Variants in PLXDC2 observed in about 807,000 individuals in gnomAD.
PLXDC2 encodes the protein plexin domain containing 2.
Under a neutral mutation model 68.9 loss-of-function variants are expected in PLXDC2, and 40 were observed. That is an observed-to-expected ratio of 0.58 (90% CI 0.45 to 0.76). The LOEUF is 0.76. Ranked by LOEUF, PLXDC2 falls within the 30% of genes least tolerant of loss-of-function variation. The pLI, the probability that PLXDC2 is intolerant of heterozygous loss-of-function variation, is 0.00. For synonymous variants in PLXDC2, 243 were observed against 234.2 expected, an observed-to-expected ratio of 1.04 and a Z score of -0.34; for missense variants, 644 against 661.9, an observed-to-expected ratio of 0.97 and a Z score of 0.30.
At chr10:20,160,934 A>G (rs1402913682) in intron 6 of PLXDC2, among the ~76,000 whole-genome samples, 1 of 152,122 alleles carries the variant, frequency 6.6e-6, no homozygotes, top group African/African-American at 2.4e-5. Context: ...GGCTGCAGTG[A>G]GCTATGATCA....
At chr10:20,190,637 A>G (rs1834752932) in intron 9 of PLXDC2, among the ~76,000 whole-genome samples, 1 of 151,486 alleles carries the variant, frequency 6.6e-6, no homozygotes, top group Admixed American at 6.6e-5. Flanking sequence ...TATTGAGTAT[A>G]AAAGGAACAT....
At chr10:20,246,625 C>G (rs1835599492) in intron 13 of PLXDC2, among the ~76,000 whole-genome samples, 1 of 152,258 alleles carries the variant, frequency 6.6e-6, no homozygotes, top group African/African-American at 2.4e-5. Context: ...GCCGGGATTA[C>G]AGGTGTGAGC....
intron 1 of PLXDC2, among the ~76,000 whole-genome samples, chr10:19,837,065 A>G (rs1323474723): frequency 6.6e-6 from 1 of 151,898 alleles, no homozygotes; most frequent in Non-Finnish European, 1.5e-5. Flanking sequence ...AAGAGACATT[A>G]TTTATTTTCT....
intron 1 of PLXDC2, among the ~76,000 whole-genome samples, chr10:19,941,803 G>A (rs1833822403): frequency 6.6e-6 from 1 of 151,940 alleles, no homozygotes; most frequent in Non-Finnish European, 1.5e-5. Context: ...TTTTGACTCT[G>A]CTAACGTGTT....
intron 1 of PLXDC2, among the ~76,000 whole-genome samples, chr10:19,896,009 A>G (rs545016086): frequency 7.5e-4 from 114 of 152,304 alleles, no homozygotes; most frequent in African/African-American, 1.4e-3. Flanking sequence ...GGAGCAGGTC[A>G]AGGTCGGGGG....
At chr10:20,137,838 C>T (rs1294740375) in intron 4 of PLXDC2, among the ~76,000 whole-genome samples, 2 of 152,094 alleles carry the variant, frequency 1.3e-5, no homozygotes, top group African/African-American at 4.8e-5. Context: ...CGGTTTCCTC[C>T]CACATTCCAA....
chr10:20,238,707 G>GTATATA lies in PLXDC2; in HGVS notation c.1313-6637_1313-6636insATATAT, dbSNP rs1292825929. 5.3e-4 allele frequency among the ~76,000 whole-genome samples: 25 copies of GTATATA among 47,464 alleles called. 1 individual carries two copies. The highest frequency in any genetic ancestry group is 0.015 in the Middle Eastern group (1 of 68). 31.1% of individuals were successfully genotyped at this position (47,464 alleles called of 152,430 possible). ...TATATATATATACACACATATATAT[G>GTATATA]TGTATATATACACATATACATACAT... On this transcript the variant is annotated intron_variant, in intron 12 of 13. Coordinates refer to ENST00000377252, the MANE Select transcript of PLXDC2 (RefSeq NM_032812.9).
At chr10:20,222,641 G>A (rs548740389) in intron 12 of PLXDC2, among the ~76,000 whole-genome samples, 188 of 152,198 alleles carry the variant, frequency 1.2e-3, no homozygotes, top group African/African-American at 4.3e-3. Context: ...GGTCTCTTTA[G>A]TAAGATAGAG....
chr10:19,904,590 A>G (rs561466242), intron 1 of PLXDC2, among the ~76,000 whole-genome samples: 4 of 152,144 alleles, frequency 2.6e-5, no homozygotes, highest in Non-Finnish European at 5.9e-5. Flanking sequence ...AAGCAGACTC[A>G]TAGTTTTTCA....
intron 4 of PLXDC2, among the ~76,000 whole-genome samples, chr10:20,100,117 G>A (rs7097249): frequency 6.6e-6 from 1 of 152,052 alleles, no homozygotes; most frequent in East Asian, 1.9e-4. Flanking sequence ...TACACAATAA[G>A]AGCACAAACT....
At chr10:20,243,384 A>G (rs1835543432) in intron 12 of PLXDC2, among the ~76,000 whole-genome samples, 2 of 152,248 alleles carry the variant, frequency 1.3e-5, no homozygotes, top group South Asian at 4.1e-4. Flanking sequence ...GAACTATTAT[A>G]TAATGAATTA....
intron 13 of PLXDC2, among the ~76,000 whole-genome samples, chr10:20,246,345 C>G (rs1308215815): frequency 1.3e-5 from 2 of 152,150 alleles, no homozygotes; most frequent in African/African-American, 4.8e-5. Context: ...CATGCATATG[C>G]AGGTTTTTTT....
At chr10:20,249,734 A>T (rs1835648953) in intron 13 of PLXDC2, among the ~76,000 whole-genome samples, 1 of 152,184 alleles carries the variant, frequency 6.6e-6, no homozygotes, top group Non-Finnish European at 1.5e-5. Flanking sequence ...GGAGATTAGG[A>T]CATGGACATC....
intron 1 of PLXDC2, among the ~76,000 whole-genome samples, chr10:19,977,084 T>C (rs143399869): frequency 4.6e-5 from 7 of 152,340 alleles, no homozygotes; most frequent in Middle Eastern, 6.8e-3. Flanking sequence ...CCTGTGTCAG[T>C]TGAGTCTCAC....
rs182561158 is a variant in PLXDC2 at position 20,051,266 on chromosome 10, A to G, written c.471+4251A>G. On this transcript the variant is annotated intron_variant, in intron 3 of 13. Transcript: ENST00000377252. The stretch of plus-strand genomic sequence containing the variant: ...ATGGTAGGAGGAGGCAGAGGAGCAG[A>G]AAAGGTAACAATTGGTTGCTAGGCT... 3.3e-5 allele frequency among the ~76,000 whole-genome samples: 5 copies of G among 151,874 alleles called. No homozygotes were observed. The East Asian group carries it at 9.7e-4, about 30-fold the overall frequency.
intron 1 of PLXDC2, among the ~76,000 whole-genome samples, chr10:19,955,712 A>G (rs745556237): frequency 9.9e-5 from 15 of 152,164 alleles, no homozygotes; most frequent in Non-Finnish European, 1.3e-4. Flanking sequence ...GAAGTTGTTC[A>G]TAACTGTTTT....
intron 1 of PLXDC2, among the ~76,000 whole-genome samples, chr10:19,875,522 G>A (rs778422563): frequency 1.6e-4 from 24 of 152,294 alleles, no homozygotes; most frequent in Non-Finnish European, 2.9e-4. Context: ...CATAGAGGTA[G>A]TAAAAGGTCC....
chr10:20,146,878 G>A (rs753144087), intron 5 of PLXDC2, among the ~76,000 whole-genome samples: 28 of 152,176 alleles, frequency 1.8e-4, no homozygotes, highest in Middle Eastern at 3.4e-3. Context: ...ATTACTGGGA[G>A]ATAAGATTTG....
At chr10:19,905,047 C>G (rs1454122566) in intron 1 of PLXDC2, among the ~76,000 whole-genome samples, 1 of 152,188 alleles carries the variant, frequency 6.6e-6, no homozygotes, top group Non-Finnish European at 1.5e-5. Flanking sequence ...CACAGAAATA[C>G]TCTGTGCTGC....
Sources: gnomAD v4.1 joint callset for allele counts (sites outside exome capture counted in the v4.1 genomes callset) on GRCh38, gnomAD v4.1.1 for gene constraint, MANE v1.5 for transcripts, NCBI Gene and HGNC (gene_info 2026-07-23, HGNC 2026-07-21) for gene names.